The following MACF1 variants were observed in gnomAD, a reference collection of about 807,000 sequenced individuals.
MACF1 encodes the protein microtubule actin crosslinking factor 1.
MACF1 carries 193 observed loss-of-function variants against 854.8 expected under a neutral mutation model. That is an observed-to-expected ratio of 0.23 (90% CI 0.20 to 0.25). MACF1 has a LOEUF of 0.25. Ranked by LOEUF, MACF1 falls within the 10% of genes least tolerant of loss-of-function variation. MACF1 has a pLI of 1.00. For synonymous variants in MACF1, 3,185 were observed against 3,226.7 expected, an observed-to-expected ratio of 0.99 and a Z score of 0.44; for missense variants, 7,722 against 8,929.1, an observed-to-expected ratio of 0.86 and a Z score of 5.45.
chr1:39,324,495 C>A (rs1646573276), intron 34 of MACF1, 150 bp downstream of exon 34: 3 of 1,140,062 alleles, frequency 2.6e-6, no homozygotes, highest in African/African-American at 1.6e-5. Context: ...CTTGTTTGTT[C>A]TTGTACCTTT....
chr1:39,099,220 A>T (rs1642007039), intron 2 of MACF1, among the ~76,000 whole-genome samples: 1 of 152,184 alleles, frequency 6.6e-6, no homozygotes, highest in South Asian at 2.1e-4. Context: ...CAATGGCACG[A>T]TCTAGGCTCA....
chr1:39,365,126 G>A (rs1648580059), intron 49 of MACF1, among the ~76,000 whole-genome samples: 1 of 152,040 alleles, frequency 6.6e-6, no homozygotes, highest in Admixed American at 6.6e-5. Context: ...ACCGAGGCTG[G>A]AGTGCAGTGG....
In MACF1 at chr1:39,350,897, C is replaced by T; in HGVS notation, c.11078C>T (p.Ala3693Val). The change falls in exon 43 of 101, where the codon GCT (alanine) becomes GTT (valine). Residue 3693 changes from alanine (A) to valine (V), a missense_variant. Around this residue, in one of 15 missense-constraint regions of MACF1, gnomAD observed 2,807 missense variants for 3,235.8 expected, o/e 0.87. Transcript: ENST00000564288. The part of the protein sequence containing the change: ...QTKLSPRELT[A>V]LREKLHQAKE... ...AAGCTGAGCCCACGTGAGTTGACAG[C>T]TCTTCGGGAAAAGCTTCATCAGGCT... The T allele has an allele frequency of 1.2e-6, 2 of 1,614,108 alleles. No individual in the cohort carries two copies. The highest frequency in any genetic ancestry group is 1.3e-5 in the African/African-American group (1 of 75,036).
In MACF1 at chr1:39,369,068, G is replaced by A. The variant is rs140621677; in HGVS notation, c.12938+754G>A. Among the ~76,000 whole-genome samples, 19 of 145,338 alleles carry A rather than the reference G, an allele frequency of 1.3e-4. No individual in the cohort carries two copies. The East Asian group carries it at 3.7e-3, about 28-fold the overall frequency. On this transcript the variant is annotated intron_variant, in intron 50 of 100. Coordinates refer to ENST00000564288, the MANE Select transcript of MACF1 (RefSeq NM_001394062.1). ...TGACCAGGCTACTTGTGAACTCCTG[G>A]CCTCATCGATCCTACTGCCTTGGCC...
intron 2 of MACF1, among the ~76,000 whole-genome samples, chr1:39,093,468 A>T (rs1041252891): frequency 1.3e-4 from 19 of 145,288 alleles, no homozygotes; most frequent in African/African-American, 4.9e-4. Flanking sequence ...TGTGCGCGCC[A>T]CCACGCCTGG....
chr1:39,406,746 A>AAAAAAAAAAAAAAAAAC (rs1642722864), intron 58 of MACF1, among the ~76,000 whole-genome samples: 2 of 147,352 alleles, frequency 1.4e-5, no homozygotes, highest in African/African-American at 5.3e-5. Context: ...CTCAAAAAAA[A>AAAAAAAAAAAAAAAAAC]AAAAAAAAAA....
rs1291256068 is a variant in MACF1 at position 39,422,779 on chromosome 1, A to G, written c.16028A>G (p.Lys5343Arg). 6.2e-7 allele frequency: 1 copy of G among 1,614,244 alleles called. No individual in the cohort carries two copies. Among genetic ancestry groups the G allele is most frequent in the Admixed American group, 1.7e-5 (1 of 60,022 alleles). ...CAGGAAGCTTTGTTGCATTGTGGGA[A>G]GTTTCAAGATGCCTTGGAGCCATTG... ...QLQEALLHCGKFQDALEPLLS... is the reference protein window; with the variant it reads ...QLQEALLHCGRFQDALEPLLS... Residue 5343 changes from lysine to arginine, a missense_variant, in exon 60 of 101, where the codon AAG becomes AGG. By Grantham distance (26) the Lys-to-Arg change is conservative (BLOSUM62 2). Transcript: ENST00000564288.
intron 2 of MACF1, among the ~76,000 whole-genome samples, chr1:39,091,889 T>C (rs1641817026): frequency 6.6e-6 from 1 of 152,224 alleles, no homozygotes; most frequent in South Asian, 2.1e-4. Flanking sequence ...CCCTTGCTTA[T>C]TCACTGATTA....
Position 39,442,188 on chromosome 1 carries a change from G to C in MACF1, c.18816G>C (p.Glu6272Asp). Residue 6272 changes from glutamate (E) to aspartate (D), a missense_variant, in exon 76 of 101, where the codon GAG becomes GAC. This residue lies in a region of MACF1 where 2,807 missense variants were observed against 3,235.8 expected (regional missense o/e 0.87). Transcript: ENST00000564288. ...VEVYQQQIEMEKLNHQGELML... is the reference protein window; with the variant it reads ...VEVYQQQIEMDKLNHQGELML... ...TTTACCAACAGCAAATTGAGATGGAGAAGCTTAATCACCAGGGTGAACTGA... is the reference window on the plus strand; with the variant it reads ...TTTACCAACAGCAAATTGAGATGGACAAGCTTAATCACCAGGGTGAACTGA... 3 of 1,600,508 alleles carry C rather than the reference G, an allele frequency of 1.9e-6. No homozygotes were observed. Among genetic ancestry groups the C allele is most frequent in the Non-Finnish European group, 2.6e-6 (3 of 1,175,464 alleles).
chr1:39,257,601 C>T (rs910780722), intron 5 of MACF1: 3 of 213,138 alleles, frequency 1.4e-5, no homozygotes, highest in Admixed American at 6.0e-5. Flanking sequence ...CGCGTCTGGC[C>T]GGCAGTTTCA....
intron 2 of MACF1, among the ~76,000 whole-genome samples, chr1:39,241,250 T>C (rs1197279379): frequency 6.6e-6 from 1 of 152,184 alleles, no homozygotes; most frequent in African/African-American, 2.4e-5. Context: ...TTTAAAACTT[T>C]CTCCTCTGCC....
intron 15 of MACF1, among the ~76,000 whole-genome samples, chr1:39,289,693 C>CTTTTCTT (rs1645730740): frequency 3.5e-5 from 1 of 28,940 alleles, no homozygotes; most frequent in Non-Finnish European, 6.0e-5. Flanking sequence ...GTGGGTTGTC[C>CTTTTCTT]TTTTTTTTTT....
chr1:39,234,398 G>A (rs1355514862), intron 2 of MACF1, among the ~76,000 whole-genome samples: 10 of 150,898 alleles, frequency 6.6e-5, no homozygotes, highest in Admixed American at 6.6e-4. Context: ...TTCCGGGCGG[G>A]GCGGCTGGCC....
intron 49 of MACF1, among the ~76,000 whole-genome samples, chr1:39,364,784 G>A (rs911229296): frequency 3.9e-5 from 6 of 152,180 alleles, no homozygotes; most frequent in East Asian, 1.9e-4. Context: ...GAGCCACCGC[G>A]CCCGGCCGTA....
chr1:39,414,457 G>T (rs764269064), intron 58 of MACF1: 2 of 1,613,890 alleles, frequency 1.2e-6, no homozygotes, highest in South Asian at 1.1e-5. Flanking sequence ...GGCTGCAACC[G>T]CTGGATTAAA....
At chr1:39,408,827 G>C (rs1190449764) in intron 58 of MACF1, among the ~76,000 whole-genome samples, 1 of 151,932 alleles carries the variant, frequency 6.6e-6, no homozygotes, top group Non-Finnish European at 1.5e-5. Flanking sequence ...TGGCGTCCCG[G>C]GTCTCTCGCT....
rs576378057 is a variant in MACF1 at position 39,221,018 on chromosome 1, C to T, written c.110-10164C>T. On this transcript the variant is annotated intron_variant, in intron 1 of 100. Transcript: ENST00000564288. Reference sequence around the variant, plus strand: ...AAAGGAGGTTCTAAGTTAGACAAGCCCCAAGAGAAGAGGGTAGATATTCCA... The same window carrying T: ...AAAGGAGGTTCTAAGTTAGACAAGCTCCAAGAGAAGAGGGTAGATATTCCA... Among the ~76,000 whole-genome samples the T allele has an allele frequency of 7.1e-4, 108 of 152,046 alleles. 5 individuals carry two copies. In the South Asian group the frequency reaches 0.021, roughly 29 times the overall value.
chr1:39,330,281 G>A (rs1250609413), intron 36 of MACF1, among the ~76,000 whole-genome samples: 1 of 152,158 alleles, frequency 6.6e-6, no homozygotes, highest in Admixed American at 6.5e-5. Flanking sequence ...GGAGAAGCTA[G>A]CATTGTCCAA....
intron 1 of MACF1, among the ~76,000 whole-genome samples, chr1:39,220,608 G>A (rs1158260324): frequency 6.7e-6 from 1 of 150,022 alleles, no homozygotes; most frequent in African/African-American, 2.5e-5. Context: ...TCAGCCTCCC[G>A]AGTAGCTGGG....
Sources: gnomAD v4.1 joint callset for allele counts (sites outside exome capture counted in the v4.1 genomes callset) on GRCh38, gnomAD v4.1.1 for gene constraint, gnomAD v4.1.1 regional missense constraint, MANE v1.5 for transcripts, NCBI Gene and HGNC (gene_info 2026-07-23, HGNC 2026-07-21) for gene names.